The following SOX5 variants were observed in gnomAD, a reference collection of about 807,000 sequenced individuals.
SOX5 encodes the protein transcription factor SOX-5.
A neutral mutation model predicts 92.0 loss-of-function variants in SOX5; 9 were observed. The ratio of observed to expected loss-of-function variants is 0.10; its 90% CI spans 0.06 to 0.17. The LOEUF (loss-of-function observed/expected upper bound fraction) is 0.17. Ranked by LOEUF, SOX5 falls within the 10% of genes least tolerant of loss-of-function variation. The probability of loss-of-function intolerance (pLI) is 1.00; values close to 1 mark genes in which losing one functional copy is unlikely to be tolerated. For missense variants in SOX5, 642 were observed against 944.5 expected (o/e 0.68, Z 4.20); for synonymous variants, 344 against 336.3 (o/e 1.02, Z -0.25).
intron 4 of SOX5, among the ~76,000 whole-genome samples, chr12:23,742,993 G>A (rs1478033053): frequency 6.6e-6 from 1 of 151,944 alleles, no homozygotes; most frequent in Non-Finnish European, 1.5e-5. Context: ...TAAGAAATGT[G>A]GGTTAATTAC....
At chr12:24,185,356 C>A (rs1426398394) in intron 4 of SOX5, among the ~76,000 whole-genome samples, 2 of 152,102 alleles carry the variant, frequency 1.3e-5, no homozygotes, top group Non-Finnish European at 2.9e-5. Context: ...CCCTCAGCCC[C>A]ACCATTCTCA....
At chr12:23,548,567 A>T (rs1395654325) in intron 11 of SOX5, among the ~76,000 whole-genome samples, 2 of 152,080 alleles carry the variant, frequency 1.3e-5, no homozygotes, top group Non-Finnish European at 2.9e-5. Context: ...TGATTGCAGG[A>T]AATGGAGAAT....
chr12:23,603,441 A>G (rs11047001), intron 9 of SOX5, among the ~76,000 whole-genome samples: 33,038 of 128,886 alleles, frequency 0.26, 4,764 homozygotes, highest in African/African-American at 0.4. Context: ...AAATATATAT[A>G]TAAAATATAT....
intron 3 of SOX5, among the ~76,000 whole-genome samples, chr12:23,791,113 C>T (rs1268723760): frequency 6.6e-6 from 1 of 152,150 alleles, no homozygotes; most frequent in Non-Finnish European, 1.5e-5. Flanking sequence ...GTTAATTACA[C>T]AGAGGCAGCT....
intron 4 of SOX5, among the ~76,000 whole-genome samples, chr12:24,108,794 T>G (rs542134804): frequency 3.3e-5 from 5 of 152,290 alleles, no homozygotes; most frequent in Non-Finnish European, 5.9e-5. Context: ...CCTATTCAAA[T>G]GATACCTTTC....
chr12:24,453,111 G>A (rs1338266171), intron 1 of SOX5, among the ~76,000 whole-genome samples: 3 of 152,180 alleles, frequency 2.0e-5, no homozygotes, highest in Middle Eastern at 6.8e-3. Context: ...ACCTAATTCA[G>A]AAAATCTATT....
chr12:23,573,988 T>C (rs1948751312), intron 10 of SOX5, among the ~76,000 whole-genome samples: 1 of 151,688 alleles, frequency 6.6e-6, no homozygotes, highest in African/African-American at 2.4e-5. Flanking sequence ...CAATAAATAA[T>C]ATATTAGTTA....
At chr12:23,961,174 C>A (rs1463445007) in intron 4 of SOX5, among the ~76,000 whole-genome samples, 2 of 152,038 alleles carry the variant, frequency 1.3e-5, no homozygotes, top group East Asian at 3.9e-4. Flanking sequence ...ATTCTCATTT[C>A]TAATGATAAT....
At chr12:23,713,675 G>A (rs2092260684) in intron 6 of SOX5, among the ~76,000 whole-genome samples, 1 of 148,100 alleles carries the variant, frequency 6.8e-6, no homozygotes, top group Non-Finnish European at 1.5e-5. Flanking sequence ...ATGTGTGAAT[G>A]TGTGTATTGA....
At chr12:23,808,532 C>G (rs576695960) in intron 3 of SOX5, among the ~76,000 whole-genome samples, 6 of 152,016 alleles carry the variant, frequency 3.9e-5, no homozygotes, top group Non-Finnish European at 7.4e-5. Flanking sequence ...TTATTTGTAA[C>G]TTATATCCAA....
At chr12:24,265,426 C>G (rs371298558) in intron 3 of SOX5, among the ~76,000 whole-genome samples, 1 of 152,094 alleles carries the variant, frequency 6.6e-6, no homozygotes, top group African/African-American at 2.4e-5. Context: ...TGCCTTCAGT[C>G]TTAGCTATTT....
intron 1 of SOX5, among the ~76,000 whole-genome samples, chr12:23,899,329 A>C (rs567875388): frequency 2.1e-4 from 31 of 149,228 alleles, no homozygotes; most frequent in African/African-American, 6.9e-4. Context: ...TGAACCTGGG[A>C]GGCAGAGGTT....
intron 1 of SOX5, among the ~76,000 whole-genome samples, chr12:24,380,336 T>C (rs1394051308): frequency 6.6e-6 from 1 of 152,222 alleles, no homozygotes; most frequent in Non-Finnish European, 1.5e-5. Context: ...ATTAACAGAA[T>C]TCCTTTGTTT....
intron 4 of SOX5, among the ~76,000 whole-genome samples, chr12:24,072,905 T>A (rs889637639): frequency 1.3e-5 from 2 of 152,212 alleles, no homozygotes; most frequent in African/African-American, 4.8e-5. Flanking sequence ...AATTTTTTTT[T>A]AAAGAAAACA....
intron 2 of SOX5, among the ~76,000 whole-genome samples, chr12:24,342,148 T>C (rs1224225469): frequency 6.6e-6 from 1 of 152,232 alleles, no homozygotes; most frequent in African/African-American, 2.4e-5. Context: ...TCTCAAGTCA[T>C]AAACAACATC....
chr12:23,908,504 T>C (rs776532742), intron 1 of SOX5, among the ~76,000 whole-genome samples: 4 of 151,964 alleles, frequency 2.6e-5, no homozygotes, highest in Non-Finnish European at 4.4e-5. Context: ...AGCCTGTTTC[T>C]ACAGCAGCTG....
intron 1 of SOX5, among the ~76,000 whole-genome samples, chr12:24,516,742 A>G (rs1055681278): frequency 6.6e-6 from 1 of 152,204 alleles, no homozygotes; most frequent in Non-Finnish European, 1.5e-5. Context: ...TTTCTTCTTT[A>G]TAATCTCTGT....
At chr12:24,398,032 AGT>A (rs1296169093) in intron 1 of SOX5, among the ~76,000 whole-genome samples, 1 of 151,940 alleles carries the variant, frequency 6.6e-6, no homozygotes. Flanking sequence ...TTGTATTTTT[AGT>A]AGAGACGGGG....
chr12:24,053,911 T>C (rs1373827934), intron 4 of SOX5, among the ~76,000 whole-genome samples: 1 of 152,210 alleles, frequency 6.6e-6, no homozygotes, highest in Non-Finnish European at 1.5e-5. Context: ...ATAAGGAAAC[T>C]GATATGCAGG....
Sources: gnomAD v4.1 joint callset for allele counts (sites outside exome capture counted in the v4.1 genomes callset) on GRCh38, gnomAD v4.1.1 for gene constraint, MANE v1.5 for transcripts, NCBI Gene and HGNC (gene_info 2026-07-23, HGNC 2026-07-21) for gene names.